The following PTPRD variants were observed in gnomAD, a reference collection of about 807,000 sequenced individuals.
The protein encoded by PTPRD is protein tyrosine phosphatase receptor type D, also known as receptor-type tyrosine-protein phosphatase delta.
A neutral mutation model predicts 214.5 loss-of-function variants in PTPRD; 34 were observed. The observed-to-expected ratio is 0.16, with a 90% confidence interval of 0.12 to 0.21. The LOEUF is 0.21. PTPRD is among the 10% of genes least tolerant of loss of function. PTPRD has a pLI of 1.00. For synonymous variants in PTPRD, 1,128 were observed against 845.7 expected (o/e 1.33, Z -5.79); for missense variants, 2,545 against 2,398.7 (o/e 1.06, Z -1.27).
intron 5 of PTPRD, among the ~76,000 whole-genome samples, chr9:9,818,469 T>A (rs1453484560): frequency 2.0e-5 from 3 of 152,100 alleles, no homozygotes; most frequent in African/African-American, 7.2e-5. Context: ...TTATTTAGTT[T>A]ATGAGTAATG....
intron 5 of PTPRD, among the ~76,000 whole-genome samples, chr9:9,813,668 A>G (rs866365021): frequency 1.3e-5 from 2 of 152,144 alleles, no homozygotes; most frequent in South Asian, 4.1e-4. Context: ...AAACGTCCTC[A>G]CGAATGAATT....
chr9:10,426,369 G>A (rs1307392437), intron 2 of PTPRD, among the ~76,000 whole-genome samples: 2 of 151,396 alleles, frequency 1.3e-5, no homozygotes, highest in Non-Finnish European at 2.9e-5. Flanking sequence ...TACTTTGCTT[G>A]TACTTATTTT....
intron 8 of PTPRD, among the ~76,000 whole-genome samples, chr9:9,441,224 C>A (rs2087593207): frequency 6.6e-6 from 1 of 152,124 alleles, no homozygotes; most frequent in African/African-American, 2.4e-5. Context: ...CAAGCCTATC[C>A]TCGAAGCGGT....
At chr9:9,387,862 C>T (rs1417066939) in intron 9 of PTPRD, among the ~76,000 whole-genome samples, 16 of 152,086 alleles carry the variant, frequency 1.1e-4, no homozygotes, top group Non-Finnish European at 2.9e-5. Context: ...ATTTCATTTT[C>T]ATTATGGTAA....
intron 8 of PTPRD, among the ~76,000 whole-genome samples, chr9:9,466,172 G>A (rs978189749): frequency 7.2e-5 from 11 of 152,202 alleles, no homozygotes; most frequent in Admixed American, 5.2e-4. Flanking sequence ...AGCTAGGCAT[G>A]GTGGCAGGTG....
At chr9:9,426,344 G>T (rs1184185475) in intron 8 of PTPRD, among the ~76,000 whole-genome samples, 1 of 152,216 alleles carries the variant, frequency 6.6e-6, no homozygotes. Flanking sequence ...CTGCAAGGCG[G>T]CAGCAAGGCT....
chr9:9,495,244 G>C (rs1322379473), intron 8 of PTPRD, among the ~76,000 whole-genome samples: 2 of 146,382 alleles, frequency 1.4e-5, no homozygotes, highest in Admixed American at 6.9e-5. Flanking sequence ...GATGATGATA[G>C]AAACAGGCAG....
At chr9:8,606,507 GA>G in intron 14 of PTPRD, among the ~76,000 whole-genome samples, 1 of 152,268 alleles carries the variant, frequency 6.6e-6, no homozygotes, top group South Asian at 2.1e-4. Context: ...ATGTATAAAA[GA>G]GATGAAATAA....
chr9:10,412,735 A>T (rs1042149674), intron 2 of PTPRD, among the ~76,000 whole-genome samples: 1 of 151,842 alleles, frequency 6.6e-6, no homozygotes. Flanking sequence ...AACTGAATCC[A>T]GCAACACATC....
At chr9:9,280,909 G>A (rs2133551201) in intron 9 of PTPRD, among the ~76,000 whole-genome samples, 1 of 151,232 alleles carries the variant, frequency 6.6e-6, no homozygotes, top group South Asian at 2.1e-4. Flanking sequence ...GTAGCTATTG[G>A]CAAAATGACA....
At chr9:9,580,897 T>C (rs951731724) in intron 7 of PTPRD, among the ~76,000 whole-genome samples, 2 of 152,044 alleles carry the variant, frequency 1.3e-5, no homozygotes, top group African/African-American at 4.8e-5. Flanking sequence ...TGTTAAGTTG[T>C]TTGAGTTCAT....
At chr9:10,033,452 C>G (rs373419374) in intron 4 of PTPRD, among the ~76,000 whole-genome samples, 1 of 151,752 alleles carries the variant, frequency 6.6e-6, no homozygotes, top group African/African-American at 2.4e-5. Flanking sequence ...AATACTAGCA[C>G]AACTTTAAAA....
At chr9:10,488,403 C>G (rs2099147199) in intron 2 of PTPRD, among the ~76,000 whole-genome samples, 1 of 150,538 alleles carries the variant, frequency 6.6e-6, no homozygotes. Flanking sequence ...CCAGGTCACA[C>G]CTGAAGCCAG....
At chr9:8,456,762 A>C (rs2133940740) in intron 33 of PTPRD, among the ~76,000 whole-genome samples, 1 of 152,168 alleles carries the variant, frequency 6.6e-6, no homozygotes, top group East Asian at 1.9e-4. Flanking sequence ...GGATGGAAAA[A>C]TAGTGTGCAT....
At chr9:8,896,836 A>C (rs1411454050) in intron 11 of PTPRD, among the ~76,000 whole-genome samples, 1 of 152,286 alleles carries the variant, frequency 6.6e-6, no homozygotes, top group Non-Finnish European at 1.5e-5. Flanking sequence ...GATTCAGGTT[A>C]TTTTTCATCA....
chr9:10,525,102 G>A (rs1056905283), intron 2 of PTPRD, among the ~76,000 whole-genome samples: 2 of 151,718 alleles, frequency 1.3e-5, no homozygotes, highest in African/African-American at 4.8e-5. Context: ...GTATTATTTT[G>A]ACAGTTCTTT....
chr9:9,772,398 T>A (rs1261061347), intron 5 of PTPRD, among the ~76,000 whole-genome samples: 2 of 152,198 alleles, frequency 1.3e-5, no homozygotes, highest in Non-Finnish European at 2.9e-5. Flanking sequence ...CAACTGATAA[T>A]TTCCAGTTAG....
chr9:10,079,738 C>T (rs2098201554), intron 3 of PTPRD, among the ~76,000 whole-genome samples: 1 of 152,142 alleles, frequency 6.6e-6, no homozygotes, highest in African/African-American at 2.4e-5. Flanking sequence ...GCTTTGGATA[C>T]ATTAAGGTTC....
At chr9:9,286,964 G>A (rs1949669700) in intron 9 of PTPRD, among the ~76,000 whole-genome samples, 2 of 134,810 alleles carry the variant, frequency 1.5e-5, no homozygotes, top group Non-Finnish European at 3.2e-5. Flanking sequence ...AGTGGCTCAT[G>A]TCTGTAATGC....
Sources: allele counts gnomAD v4.1 joint callset (sites outside exome capture counted in the v4.1 genomes callset), GRCh38; gene constraint gnomAD v4.1.1; transcripts MANE v1.5; gene names NCBI Gene and HGNC (gene_info 2026-07-23, HGNC 2026-07-21).